The following NEDD4 variants were observed in gnomAD, a reference collection of about 807,000 sequenced individuals.
NEDD4 encodes the protein E3 ubiquitin-protein ligase NEDD4.
NEDD4 carries 99 observed loss-of-function variants against 144.9 expected under a neutral mutation model. The ratio of observed to expected loss-of-function variants is 0.68; its 90% CI spans 0.58 to 0.81. The LOEUF (loss-of-function observed/expected upper bound fraction) is 0.81. Among genes scored for constraint, NEDD4 ranks in the 30% least tolerant of loss-of-function variants. The pLI is 0.00. For missense variants in NEDD4, 985 were observed against 1,065.9 expected, an observed-to-expected ratio of 0.92 and a Z score of 1.06; for synonymous variants, 318 against 350.6, an observed-to-expected ratio of 0.91 and a Z score of 1.04.
intron 2 of NEDD4, among the ~76,000 whole-genome samples, chr15:55,955,757 A>G (rs1158607360): frequency 6.6e-6 from 1 of 151,354 alleles, no homozygotes; most frequent in Admixed American, 6.6e-5. Context: ...CACATCTTAC[A>G]CATGTGCATG....
chr15:55,958,627 G>T (rs1406486991), intron 2 of NEDD4, among the ~76,000 whole-genome samples: 2 of 151,818 alleles, frequency 1.3e-5, no homozygotes, highest in South Asian at 4.2e-4. Context: ...TTTCTTTGTG[G>T]GAAGGACAAA....
At chr15:55,957,923 A>C (rs2142314713) in intron 2 of NEDD4, among the ~76,000 whole-genome samples, 3 of 152,170 alleles carry the variant, frequency 2.0e-5, no homozygotes, top group Admixed American at 2.0e-4. Flanking sequence ...ACTGAACAAT[A>C]ACACCTGGAC....
At chr15:55,846,591 TAA>T (rs1490444338) in intron 18 of NEDD4, among the ~76,000 whole-genome samples, 1 of 152,054 alleles carries the variant, frequency 6.6e-6, no homozygotes, top group Non-Finnish European at 1.5e-5. Context: ...AACAAAGTCA[TAA>T]AAAAATCCAG....
chr15:55,910,612 A>G (rs1479536087), intron 5 of NEDD4, among the ~76,000 whole-genome samples: 2 of 151,208 alleles, frequency 1.3e-5, no homozygotes, highest in Non-Finnish European at 3.0e-5. Flanking sequence ...GGCTTTGACT[A>G]TACTCCTGAC....
chr15:55,963,139 T>A (rs8043427), intron 2 of NEDD4, among the ~76,000 whole-genome samples: 10,470 of 149,476 alleles, frequency 0.07, 495 homozygotes, highest in Non-Finnish European at 0.1. Flanking sequence ...TTTTTTATTT[T>A]TTTTTTTTTT....
At position 55,917,085 on chromosome 15, in the gene NEDD4, C is replaced by A. The variant is rs185743810; in HGVS notation, c.291+7561G>T. ...CTTGTAGTCAAAATGCCTTCACTTACAAAGCACTTGATTTCCAGCGACCTT... is the reference window on the plus strand; with the variant it reads ...CTTGTAGTCAAAATGCCTTCACTTAAAAAGCACTTGATTTCCAGCGACCTT... On this transcript the variant is annotated intron_variant, in intron 5 of 28. Coordinates refer to ENST00000435532, the MANE Select transcript of NEDD4 (RefSeq NM_006154.4). 8 of 1,219,312 alleles carry A rather than the reference C, an allele frequency of 6.6e-6. No homozygotes were observed. In the Admixed American group the frequency reaches 1.6e-4, roughly 24 times the overall value. The allele number at this position is 1,219,312 out of a possible 1,614,324, so 75.5% of individuals were successfully genotyped here.
intron 4 of NEDD4, among the ~76,000 whole-genome samples, chr15:55,937,789 C>G (rs1278271836): frequency 6.6e-6 from 1 of 152,130 alleles, no homozygotes; most frequent in East Asian, 1.9e-4. Context: ...CACCAAAATT[C>G]CAATGGTACT....
chr15:55,976,124 T>C (rs2037696159), intron 1 of NEDD4, among the ~76,000 whole-genome samples: 1 of 152,082 alleles, frequency 6.6e-6, no homozygotes, highest in Non-Finnish European at 1.5e-5. Flanking sequence ...TATACAAAAA[T>C]CAAATCAAAA....
intron 4 of NEDD4, among the ~76,000 whole-genome samples, chr15:55,940,888 C>A (rs1028769193): frequency 9.9e-5 from 15 of 151,970 alleles, no homozygotes; most frequent in African/African-American, 3.6e-4. Context: ...ATTATAAGCA[C>A]CTTAAATTTT....
At chr15:55,890,513 T>G (rs955300230) in intron 5 of NEDD4, among the ~76,000 whole-genome samples, 1 of 152,244 alleles carries the variant, frequency 6.6e-6, no homozygotes, top group Non-Finnish European at 1.5e-5. Context: ...TCATCCATAC[T>G]GTAACATTCC....
At chr15:55,848,288 G>T in intron 17 of NEDD4, 84 bp downstream of exon 17, 2 of 1,307,386 alleles carry the variant, frequency 1.5e-6, no homozygotes, top group Non-Finnish European at 1.1e-6. Context: ...CTCAATGCCT[G>T]TAGGGTTATG....
chr15:55,925,248 CAG>C (rs2036641416), intron 4 of NEDD4, among the ~76,000 whole-genome samples: 1 of 152,086 alleles, frequency 6.6e-6, no homozygotes, highest in Non-Finnish European at 1.5e-5. Flanking sequence ...ATTTTTCTAA[CAG>C]AACGAAAGGA....
chr15:55,859,557 C>T (rs1046897706), intron 11 of NEDD4, among the ~76,000 whole-genome samples: 1 of 152,002 alleles, frequency 6.6e-6, no homozygotes, highest in Non-Finnish European at 1.5e-5. Flanking sequence ...ATTAGCTGGG[C>T]GTGGTGGTGT....
At chr15:55,929,886 A>G (rs2036747458) in intron 4 of NEDD4, among the ~76,000 whole-genome samples, 2 of 152,260 alleles carry the variant, frequency 1.3e-5, no homozygotes, top group South Asian at 4.1e-4. Flanking sequence ...CAAAAACAAG[A>G]TACTAAAAAA....
chr15:55,852,495 CTTGT>C lies in NEDD4; in HGVS notation c.1071_1074del (p.Gln358MetfsTer9), dbSNP rs1231332392. On this transcript the variant is annotated frameshift_variant, in exon 13 of 29. Coordinates refer to ENST00000435532, the MANE Select transcript of NEDD4 (RefSeq NM_006154.4). LOFTEE classifies it high-confidence loss of function. ...ACATAATATGATCTTCCTCTTTCAT[CTTGT>C]TTTTCTTCCCAACCTGGTGGTAATC... is the stretch of plus-strand genomic sequence containing the variant. 1 of 1,613,106 alleles carries C rather than the reference CTTGT, an allele frequency of 6.2e-7. No individual in the cohort carries two copies. The highest frequency in any genetic ancestry group is 2.2e-5 in the East Asian group (1 of 44,814).
At chr15:55,899,775 C>A (rs2035855033) in intron 5 of NEDD4, among the ~76,000 whole-genome samples, 1 of 152,200 alleles carries the variant, frequency 6.6e-6, no homozygotes. Flanking sequence ...CTACTGCTGT[C>A]CAATGCAGGA....
intron 5 of NEDD4, among the ~76,000 whole-genome samples, chr15:55,906,637 T>TG (rs1263651076): frequency 1.1e-3 from 66 of 62,290 alleles, no homozygotes; most frequent in African/African-American, 4.1e-3. Flanking sequence ...TGTTGTGGGG[T>TG]GGGGGGCTGG....
chr15:55,903,346 C>T (rs1012184741), intron 5 of NEDD4, among the ~76,000 whole-genome samples: 37 of 152,030 alleles, frequency 2.4e-4, no homozygotes, highest in African/African-American at 8.2e-4. Context: ...AATGGAGTTG[C>T]GTTTTGGTTG....
chr15:55,916,768 T>C (rs2036462972), intron 5 of NEDD4: 4 of 1,613,720 alleles, frequency 2.5e-6, no homozygotes, highest in Non-Finnish European at 3.4e-6. Flanking sequence ...TCTCCGGAGG[T>C]TTCTGACAAA....
Sources: allele counts gnomAD v4.1 joint callset (sites outside exome capture counted in the v4.1 genomes callset), GRCh38; gene constraint gnomAD v4.1.1; transcripts MANE v1.5; gene names NCBI Gene and HGNC (gene_info 2026-07-23, HGNC 2026-07-21).